The following SIGLEC12 variants were observed in gnomAD, a reference collection of about 807,000 sequenced individuals.
SIGLEC12 encodes sialic acid binding Ig like lectin 12, also known as sialic acid-binding Ig-like lectin 12.
A neutral mutation model predicts 54.1 loss-of-function variants in SIGLEC12; 43 were observed. The ratio of observed to expected loss-of-function variants is 0.80; its 90% CI spans 0.62 to 1.03. SIGLEC12 has a LOEUF of 1.03. SIGLEC12 is among the 50% of genes least tolerant of loss of function. SIGLEC12 has a pLI of 0.00. For synonymous variants in SIGLEC12, 357 were observed against 307.6 expected, an observed-to-expected ratio of 1.16 and a Z score of -1.68; for missense variants, 802 against 735.2, an observed-to-expected ratio of 1.09 and a Z score of -1.05.
chr19:51,491,814 A>C lies in SIGLEC12; in HGVS notation c.1615T>G (p.Ser539Ala). The C allele has an allele frequency of 6.4e-7, 1 of 1,573,718 alleles. No individual in the cohort carries two copies. The highest frequency in any genetic ancestry group is 1.2e-5 in the South Asian group (1 of 84,634). The change falls in exon 8 of 8, where the codon TCC becomes GCC. Residue 539 changes from serine (S) to alanine (A), a missense_variant. By Grantham distance (99) the Ser-to-Ala change is moderately conservative. Coordinates refer to ENST00000291707, the MANE Select transcript of SIGLEC12 (RefSeq NM_053003.4). The part of the protein sequence containing the change: ...GSASQGPLIE[S>A]PADDSPPHHA... ...TGTGGGGGGCTGTCATCTGCCGGGGATTCAATCAGGGGTCCCTGAATGGAG... is the reference window on the plus strand; with the variant it reads ...TGTGGGGGGCTGTCATCTGCCGGGGCTTCAATCAGGGGTCCCTGAATGGAG...
At chr19:51,499,802 T>A in intron 2 of SIGLEC12, 86 bp from the exon 3 acceptor site, 3 of 1,563,262 alleles carry the variant, frequency 1.9e-6, no homozygotes, top group Non-Finnish European at 2.6e-6. Flanking sequence ...GTCTTACTCC[T>A]CCCCTGAGCC....
chr19:51,498,351 A>G, intron 4 of SIGLEC12, 64 bp from the exon 5 acceptor site: 2 of 1,412,228 alleles, frequency 1.4e-6, no homozygotes, highest in Non-Finnish European at 1.9e-6. Context: ...GGAAGGATAC[A>G]GAAAGAGAGT....
intron 5 of SIGLEC12, 78 bp from the exon 6 acceptor site, chr19:51,497,523 C>T: frequency 1.8e-6 from 2 of 1,087,278 alleles, no homozygotes; most frequent in Non-Finnish European, 2.7e-6. Flanking sequence ...CTGTAGGGCC[C>T]CAGACTTGGG....
chr19:51,501,393 C>T lies in SIGLEC12; in HGVS notation c.341G>A (p.Ser114Asn). Residue 114 changes from serine (S) to asparagine (N), a missense_variant, in exon 1 of 8, where the codon AGT becomes AAT. Physicochemically the swap from Ser to Asn is conservative, Grantham distance 46. Transcript: ENST00000291707. Reference sequence around the variant, plus strand: ...ACAAAAGACGTATGTCCCTGCATCACTCTCTCTGGTGTCTCTGATGCTCAG... The same window carrying T: ...ACAAAAGACGTATGTCCCTGCATCATTCTCTCTGGTGTCTCTGATGCTCAG... ...CTLSIRDTRESDAGTYVFCVE... is the reference protein window; with the variant it reads ...CTLSIRDTRENDAGTYVFCVE... 1 of 1,614,220 alleles carries T rather than the reference C, an allele frequency of 6.2e-7. No homozygotes were observed. Among genetic ancestry groups the T allele is most frequent in the Admixed American group, 1.7e-5 (1 of 60,032 alleles).
At position 51,492,469 on chromosome 19, in the gene SIGLEC12, G is replaced by A. The variant is rs73558868; in HGVS notation, c.1600-640C>T. Among the ~76,000 whole-genome samples the A allele has an allele frequency of 8.4e-3, 1,280 of 152,260 alleles. 21 individuals carry two copies. Among genetic ancestry groups the A allele is most frequent in the African/African-American group, 0.029 (1,221 of 41,530 alleles). The stretch of plus-strand genomic sequence containing the variant: ...TAAAATAAATTATATCCCTCTTATA[G>A]GAAGAATAATGACCCCTCCAAAATG... On this transcript the variant is annotated intron_variant, in intron 7 of 7. Transcript: ENST00000291707.
chr19:51,500,183 G>A lies in SIGLEC12; in HGVS notation c.545C>T (p.Ala182Val). ...CCAGGATCCATAAACAGGGCTAGAG[G>A]CAGTCCAGTTGTAATGGGGGTAAAG... ...SVLYPHYNWT[A>V]SSPVYGSWFK... is the part of the protein sequence containing the mutation. Residue 182 changes from alanine to valine, a missense_variant, in exon 2 of 8, where the codon GCC (alanine) becomes GTC (valine). Transcript: ENST00000291707. The A allele has an allele frequency of 1.2e-6, 2 of 1,614,180 alleles. No homozygotes were observed. The highest frequency in any genetic ancestry group is 8.5e-7 in the Non-Finnish European group (1 of 1,180,026).
Position 51,491,551 on chromosome 19 carries a change from G to A in SIGLEC12, c.*90C>T. 1.6e-6 allele frequency: 2 copies of A among 1,253,526 alleles called. No homozygotes were observed. Among genetic ancestry groups the A allele is most frequent in the Admixed American group, 1.7e-5 (1 of 57,152 alleles). The allele number at this position is 1,253,526 out of a possible 1,614,324, so 77.7% of individuals were successfully genotyped here. On this transcript the variant is annotated 3_prime_UTR_variant, in exon 8 of 8. Transcript: ENST00000291707. The stretch of plus-strand genomic sequence containing the variant: ...GTTCTGATGTCCTGTTGCACAGCAT[G>A]GAGGGCTGTTAATTCTAAAGGAATC...
In SIGLEC12 at chr19:51,491,378, A is replaced by G. The variant is rs1395814573; in HGVS notation, c.*263T>C. On this transcript the variant is annotated 3_prime_UTR_variant, in exon 8 of 8. Coordinates refer to ENST00000291707, the MANE Select transcript of SIGLEC12 (RefSeq NM_053003.4). The stretch of plus-strand genomic sequence containing the variant: ...GACAAACACTCTACGATCTCACTAT[A>G]TTTGGAACCTAAAATAGTCGACCTC... The G allele has an allele frequency of 2.6e-5, 12 of 460,236 alleles. No homozygotes were observed. The highest frequency in any genetic ancestry group is 3.9e-5 in the Non-Finnish European group (10 of 254,840). The allele number at this position is 460,236 out of a possible 1,614,324, so 28.5% of individuals were successfully genotyped here.
At chr19:51,498,356 G>A in intron 4 of SIGLEC12, 69 bp from the exon 5 acceptor site, 1 of 1,378,108 alleles carries the variant, frequency 7.3e-7, no homozygotes, top group Middle Eastern at 1.8e-4. Context: ...GATACAGAAA[G>A]AGAGTGGTGA....
intron 1 of SIGLEC12, 183 bp from the exon 2 acceptor site, chr19:51,500,483 G>A (rs1462814533): frequency 1.4e-5 from 14 of 1,018,044 alleles, no homozygotes; most frequent in Middle Eastern, 6.3e-4. Flanking sequence ...GGAGACCTCA[G>A]CCCTGCATGG....
At position 51,499,655 on chromosome 19, in the gene SIGLEC12, G is replaced by C. The variant is rs200045982; in HGVS notation, c.870C>G (p.Asn290Lys). ...PGTLESGHPR[N>K]LTCSVPWACE... is the part of the protein sequence containing the mutation. ...AGGCCCAGGGCACAGAGCAGGTCAGGTTCCTGGGGTGGCCAGACTCCAGGG... is the reference window on the plus strand; with the variant it reads ...AGGCCCAGGGCACAGAGCAGGTCAGCTTCCTGGGGTGGCCAGACTCCAGGG... The change falls in exon 3 of 8, where the codon AAC becomes AAG. Residue 290 changes from asparagine to lysine, a missense_variant. Physicochemically the swap from Asn to Lys is moderately conservative, Grantham distance 94. Transcript: ENST00000291707. 56 of 1,613,990 alleles carry C rather than the reference G, an allele frequency of 3.5e-5. No individual in the cohort carries two copies. The highest frequency in any genetic ancestry group is 4.6e-5 in the Non-Finnish European group (54 of 1,180,004).
chr19:51,499,679 G>A lies in SIGLEC12; in HGVS notation c.846C>T (p.Thr282=), dbSNP rs866507455. Residue 282 remains threonine, a synonymous_variant, in exon 3 of 8, where the codon ACC becomes ACT. Transcript: ENST00000291707. ...GGTTCCTGGGGTGGCCAGACTCCAG[G>A]GTCCCCGGGATGGAGAAGGTGGGCA... ...THMPTFSIPG[T]LESGHPRNLT... 7.4e-6 allele frequency: 12 copies of A among 1,614,128 alleles called. No individual in the cohort carries two copies. In the South Asian group the frequency reaches 8.8e-5, roughly 12 times the overall value.
intron 7 of SIGLEC12, among the ~76,000 whole-genome samples, chr19:51,496,003 G>T (rs1014762025): frequency 2.6e-5 from 4 of 152,222 alleles, no homozygotes; most frequent in African/African-American, 9.6e-5. Context: ...CTGGAGTCCA[G>T]CGTTGATGGA....
At position 51,500,199 on chromosome 19, in the gene SIGLEC12, G is replaced by A; in HGVS notation, c.529C>T (p.His177Tyr). The A allele has an allele frequency of 1.2e-6, 2 of 1,614,162 alleles. No homozygotes were observed. Among genetic ancestry groups the A allele is most frequent in the South Asian group, 1.1e-5 (1 of 91,088 alleles). The change falls in exon 2 of 8, where the codon CAT (histidine) becomes TAT (tyrosine). Residue 177 changes from histidine (H) to tyrosine (Y), a missense_variant. Physicochemically the swap from His to Tyr is moderately conservative, Grantham distance 83 (BLOSUM62 2). Coordinates refer to ENST00000291707, the MANE Select transcript of SIGLEC12 (RefSeq NM_053003.4). Reference sequence around the variant, plus strand: ...GGGCTAGAGGCAGTCCAGTTGTAATGGGGGTAAAGGACACTGCAGGGCACA... The same window carrying A: ...GGGCTAGAGGCAGTCCAGTTGTAATAGGGGTAAAGGACACTGCAGGGCACA... The part of the protein sequence containing the change: ...VSVPCSVLYP[H>Y]YNWTASSPVY...
At chr19:51,492,410 C>T (rs1200480907) in intron 7 of SIGLEC12, among the ~76,000 whole-genome samples, 1 of 152,174 alleles carries the variant, frequency 6.6e-6, no homozygotes, top group Non-Finnish European at 1.5e-5. Flanking sequence ...CCTTGAGAAG[C>T]TCACAGTTTG....
chr19:51,501,709 G>A lies in SIGLEC12; in HGVS notation c.25C>T (p.Pro9Ser). 6.2e-7 allele frequency: 1 copy of A among 1,609,552 alleles called. No homozygotes were observed. Among genetic ancestry groups the A allele is most frequent in the Admixed American group, 1.7e-5 (1 of 59,776 alleles). Residue 9 changes from proline to serine, a missense_variant, in exon 1 of 8, where the codon CCA becomes TCA. Transcript: ENST00000291707. Reference protein sequence around the residue: MLLLLLLLPPLLCGRVGAK... With the variant: MLLLLLLLSPLLCGRVGAK... ...CCCACTCTCCCACAGAGCAGGGGTGGCAGCAGTAGCAGCAGCAGTAGCATG... is the reference window on the plus strand; with the variant it reads ...CCCACTCTCCCACAGAGCAGGGGTGACAGCAGTAGCAGCAGCAGTAGCATG...
At chr19:51,499,142 CA>C (rs754719640) in intron 4 of SIGLEC12, 27 bp downstream of exon 4, 4 of 1,613,202 alleles carry the variant, frequency 2.5e-6, no homozygotes, top group Non-Finnish European at 3.4e-6. Flanking sequence ...TCTGCTCCTC[CA>C]GCCCCAGGGA....
At chr19:51,495,298 C>T (rs368303246) in intron 7 of SIGLEC12, among the ~76,000 whole-genome samples, 1,132 of 19,574 alleles carry the variant, frequency 0.058, 23 homozygotes, top group African/African-American at 0.11. Context: ...GATGGATGGA[C>T]GGACGGACGG....
chr19:51,496,548 C>T (rs1990243570), intron 7 of SIGLEC12, among the ~76,000 whole-genome samples: 1 of 152,156 alleles, frequency 6.6e-6, no homozygotes, highest in African/African-American at 2.4e-5. Context: ...TGACAGTGCT[C>T]TGCTGAGCCA....
Sources: allele counts gnomAD v4.1 joint callset (sites outside exome capture counted in the v4.1 genomes callset), GRCh38; gene constraint gnomAD v4.1.1; transcripts MANE v1.5; gene names NCBI Gene and HGNC (gene_info 2026-07-23, HGNC 2026-07-21).